XKR9: variants seen among roughly 807,000 people sequenced by gnomAD.
The protein encoded by XKR9 is XK-related protein 9.
XKR9 carries 32 observed loss-of-function variants against 32.0 expected under a neutral mutation model. The observed-to-expected ratio is 1.00, with a 90% CI of 0.76 to 1.34. XKR9 has a LOEUF of 1.34. XKR9 is among the 40% of genes most tolerant of loss of function. XKR9 has a pLI of 0.00. For synonymous variants in XKR9, 168 were observed against 143.4 expected (o/e 1.17, Z -1.22); for missense variants, 546 against 429.7 (o/e 1.27, Z -2.39).
At chr8:70,949,405 A>G in the XKR9 span, among the ~76,000 whole-genome samples, 1 of 152,014 alleles carries the variant, frequency 6.6e-6, no homozygotes, top group Non-Finnish European at 1.5e-5. Flanking sequence ...AAGATTTAGT[A>G]TGCTTTAGAT....
chr8:70,940,305 G>C, the XKR9 span, among the ~76,000 whole-genome samples: 2 of 152,100 alleles, frequency 1.3e-5, no homozygotes, highest in East Asian at 3.9e-4. Flanking sequence ...TACTACTGAT[G>C]TCTTAAATAG....
chr8:70,872,445 A>T, the XKR9 span, among the ~76,000 whole-genome samples: 222 of 152,244 alleles, frequency 1.5e-3, no homozygotes, highest in Non-Finnish European at 2.7e-3. Context: ...TGAAGCAGCA[A>T]GTGTTAATGT....
chr8:70,698,146 C>A (rs1162364010), intron 3 of XKR9, among the ~76,000 whole-genome samples: 3 of 152,100 alleles, frequency 2.0e-5, no homozygotes, highest in Non-Finnish European at 4.4e-5. Context: ...CTCCTGGATT[C>A]ATTAATTTTT....
the XKR9 span, among the ~76,000 whole-genome samples, chr8:70,839,466 T>C: frequency 6.6e-6 from 1 of 152,092 alleles, no homozygotes; most frequent in Non-Finnish European, 1.5e-5. Flanking sequence ...ATACACTACA[T>C]TTCTATTTTT....
chr8:70,680,874 C>A lies in XKR9; in HGVS notation c.-185C>A. ...AGATTAGAGATTTAGAAAAGAAAGT[C>A]AAAATTAGTCACTTTAGTGTTAGTG... is the stretch of plus-strand genomic sequence containing the variant. On this transcript the variant is annotated 5_prime_UTR_variant, in exon 3 of 5. Transcript: ENST00000408926. 6.1e-6 allele frequency: 3 copies of A among 488,696 alleles called. No individual in the cohort carries two copies. The highest frequency in any genetic ancestry group is 1.1e-5 in the Non-Finnish European group (3 of 285,434). The allele number at this position is 488,696 out of a possible 1,614,324, so 30.3% of individuals were successfully genotyped here. A position where few individuals can be genotyped will look rare whatever the true frequency, so the allele number is the denominator to read the frequency against.
chr8:70,705,329 A>T (rs750029919), intron 3 of XKR9, among the ~76,000 whole-genome samples: 68 of 152,214 alleles, frequency 4.5e-4, no homozygotes, highest in Non-Finnish European at 1.6e-4. Context: ...AAAGATAATA[A>T]ACAAAAATAA....
the XKR9 span, among the ~76,000 whole-genome samples, chr8:70,825,203 C>T: frequency 6.6e-6 from 1 of 152,026 alleles, no homozygotes; most frequent in Non-Finnish European, 1.5e-5. Flanking sequence ...CTGCCTCTAT[C>T]CCCCTGCACT....
the XKR9 span, among the ~76,000 whole-genome samples, chr8:70,890,975 A>G: frequency 2.0e-5 from 3 of 151,842 alleles, no homozygotes; most frequent in Non-Finnish European, 4.4e-5. Flanking sequence ...CTTCTTACTC[A>G]TAATTGTTCT....
rs561126289 is a variant in XKR9 at position 70,755,624 on chromosome 8, T to C, written n.353-33715T>C. Among the ~76,000 whole-genome samples the C allele has an allele frequency of 4.6e-5, 7 of 151,698 alleles. No individual in the cohort carries two copies. The South Asian group carries it at 1.5e-3, about 32-fold the overall frequency. ...GTCCTTTGTAGGGACATGGATGAAA[T>C]TGGAAATCATCATTCTCAGTAAACT... On this transcript the variant is annotated intron_variant and non_coding_transcript_variant, in intron 2 of 3. Transcript: ENST00000520273.
the XKR9 span, among the ~76,000 whole-genome samples, chr8:71,036,774 A>G: frequency 9.2e-5 from 14 of 151,824 alleles, no homozygotes; most frequent in African/African-American, 3.4e-4. Context: ...CCTGAATACT[A>G]GTGTAAATAT....
Position 70,760,222 on chromosome 8 carries a change from A to G in XKR9, n.353-29117A>G, listed in dbSNP as rs530198532. On this transcript the variant is annotated intron_variant and non_coding_transcript_variant, in intron 2 of 3. Coordinates refer to the XKR9 transcript ENST00000520273. ...CAGTTTACTCGTAAGTAAGAATAAA[A>G]CACACAGTATTCTCAAACTACTTTG... 3.3e-5 allele frequency among the ~76,000 whole-genome samples: 5 copies of G among 152,310 alleles called. No homozygotes were observed. The South Asian group carries it at 8.3e-4, about 25-fold the overall frequency.
downstream of XKR9, among the ~76,000 whole-genome samples, chr8:70,740,123 G>C (rs1463627354): frequency 6.6e-6 from 1 of 152,076 alleles, no homozygotes; most frequent in African/African-American, 2.4e-5. Context: ...TGTAGATTTG[G>C]TCTTTTCACA....
the XKR9 span, among the ~76,000 whole-genome samples, chr8:70,852,353 C>T: frequency 6.6e-6 from 1 of 152,302 alleles, no homozygotes; most frequent in African/African-American, 2.4e-5. Context: ...TTACTTCAAT[C>T]CTTTTGGAGG....
At chr8:70,871,628 G>A in the XKR9 span, among the ~76,000 whole-genome samples, 1 of 152,056 alleles carries the variant, frequency 6.6e-6, no homozygotes, top group Non-Finnish European at 1.5e-5. Context: ...TTGCCCTACT[G>A]ACCAATCTTT....
At chr8:70,771,425 T>G (rs1475213061) in intron 2 of XKR9, among the ~76,000 whole-genome samples, 2 of 152,190 alleles carry the variant, frequency 1.3e-5, no homozygotes, top group Non-Finnish European at 2.9e-5. Context: ...TGACTTGAAA[T>G]TTTTATTTTG....
intron 3 of XKR9, among the ~76,000 whole-genome samples, chr8:70,696,920 TAAG>T (rs1805300865): frequency 6.7e-6 from 1 of 149,742 alleles, no homozygotes; most frequent in Non-Finnish European, 1.5e-5. Flanking sequence ...GTTGGATTCC[TAAG>T]TATTTTATTC....
the XKR9 span, among the ~76,000 whole-genome samples, chr8:70,983,122 G>C: frequency 3.3e-5 from 5 of 152,080 alleles, no homozygotes; most frequent in Non-Finnish European, 5.9e-5. Context: ...AACTATGAGA[G>C]AATTCTCATC....
At chr8:70,936,827 C>T in the XKR9 span, among the ~76,000 whole-genome samples, 29 of 151,860 alleles carry the variant, frequency 1.9e-4, no homozygotes, top group Non-Finnish European at 3.5e-4. Flanking sequence ...GGTCCAAAGC[C>T]GCTTCTTTAA....
At chr8:71,038,479 C>G in the XKR9 span, among the ~76,000 whole-genome samples, 1 of 151,716 alleles carries the variant, frequency 6.6e-6, no homozygotes, top group Non-Finnish European at 1.5e-5. Flanking sequence ...CACCACCACA[C>G]CTGGCTAATT....
Sources: gnomAD v4.1 joint callset for allele counts (sites outside exome capture counted in the v4.1 genomes callset) on GRCh38, gnomAD v4.1.1 for gene constraint, MANE v1.5 for transcripts, NCBI Gene and HGNC (gene_info 2026-07-23, HGNC 2026-07-21) for gene names.